PLCH1: variants seen among roughly 807,000 people sequenced by gnomAD.
PLCH1 encodes phospholipase C eta 1.
In PLCH1, 60 loss-of-function variants were observed where a neutral mutation model predicts 126.7. The observed-to-expected ratio is 0.47, with a 90% CI of 0.38 to 0.59. The LOEUF is 0.59. Among genes scored for constraint, PLCH1 ranks in the 20% least tolerant of loss-of-function variants. The pLI, the probability that PLCH1 is intolerant of heterozygous loss-of-function variation, is 0.00. For missense variants in PLCH1, 1,723 were observed against 2,040.0 expected, an observed-to-expected ratio of 0.84 and a Z score of 2.99; for synonymous variants, 719 against 734.9, an observed-to-expected ratio of 0.98 and a Z score of 0.35.
At chr3:155,471,758 T>C in intron 21 of PLCH1, among the ~76,000 whole-genome samples, 1 of 151,874 alleles carries the variant, frequency 6.6e-6, no homozygotes, top group Non-Finnish European at 1.5e-5. Flanking sequence ...AAACTAGAAC[T>C]CAGGATTAAG....
intron 2 of PLCH1, among the ~76,000 whole-genome samples, chr3:155,646,655 G>A (rs924572457): frequency 2.0e-5 from 3 of 152,092 alleles, no homozygotes; most frequent in South Asian, 2.1e-4. Context: ...GACTTAGAGG[G>A]TAAAGTCACC....
downstream of PLCH1, among the ~76,000 whole-genome samples, chr3:155,475,886 T>C (rs1415632078): frequency 6.6e-6 from 1 of 152,058 alleles, no homozygotes; most frequent in Non-Finnish European, 1.5e-5. Context: ...ACCAAACATT[T>C]AAAGAATGAC....
At chr3:155,544,265 C>A (rs571020505) in intron 10 of PLCH1, among the ~76,000 whole-genome samples, 2 of 152,086 alleles carry the variant, frequency 1.3e-5, no homozygotes, top group African/African-American at 4.8e-5. Flanking sequence ...GATTTTAAAC[C>A]AACAAAGATC....
intron 21 of PLCH1, among the ~76,000 whole-genome samples, chr3:155,465,231 C>A (rs1712883137): frequency 6.6e-6 from 1 of 152,044 alleles, no homozygotes; most frequent in Non-Finnish European, 1.5e-5. Context: ...GAGTTAACAT[C>A]CAAATGTAAA....
At position 155,524,139 on chromosome 3, in the gene PLCH1, C is replaced by T. The variant is rs545320034; in HGVS notation, c.1363-135G>A. On this transcript the variant is annotated intron_variant, in intron 10 of 22. Coordinates refer to ENST00000460012, the MANE Select transcript of PLCH1 (RefSeq NM_014996.4). The stretch of plus-strand genomic sequence containing the variant: ...TATGTACATACAATGGAATCTTAGC[C>T]TTTAAGAAGAAGGAAATTCTGATAC... 3.4e-5 allele frequency: 23 copies of T among 675,088 alleles called. No homozygotes were observed. In the African/African-American group the frequency reaches 3.7e-4, roughly 11 times the overall value. 41.8% of individuals were successfully genotyped at this position (675,088 alleles called of 1,614,324 possible).
At chr3:155,576,159 T>C (rs551497358) in intron 6 of PLCH1, among the ~76,000 whole-genome samples, 1 of 151,384 alleles carries the variant, frequency 6.6e-6, no homozygotes, top group African/African-American at 2.4e-5. Flanking sequence ...TGCCAAGAAA[T>C]GGATAGGAAC....
chr3:155,639,595 C>T (rs1739158704), intron 2 of PLCH1, among the ~76,000 whole-genome samples: 2 of 152,262 alleles, frequency 1.3e-5, no homozygotes, highest in Admixed American at 1.3e-4. Flanking sequence ...CTAAGGGGAG[C>T]AACAAAAGGT....
chr3:155,582,075 C>CTTTTTTTTTT (rs869254665), intron 6 of PLCH1, among the ~76,000 whole-genome samples: 42 of 64,124 alleles, frequency 6.5e-4, no homozygotes, highest in East Asian at 1.9e-3. Context: ...TCTTTTCTTT[C>CTTTTTTTTTT]TTTTTTTTTT....
intron 1 of PLCH1, among the ~76,000 whole-genome samples, chr3:155,739,970 C>T (rs535301279): frequency 7.0e-4 from 107 of 152,300 alleles, no homozygotes; most frequent in African/African-American, 2.5e-3. Flanking sequence ...AAACTATCCC[C>T]CCTTATGGTA....
At chr3:155,674,029 T>C (rs528298182) in intron 2 of PLCH1, among the ~76,000 whole-genome samples, 4 of 152,190 alleles carry the variant, frequency 2.6e-5, no homozygotes, top group African/African-American at 7.2e-5. Flanking sequence ...AACAACCTTG[T>C]GAGGTAAGCA....
chr3:155,612,715 A>C (rs925985682), intron 2 of PLCH1, among the ~76,000 whole-genome samples: 1 of 151,986 alleles, frequency 6.6e-6, no homozygotes, highest in African/African-American at 2.4e-5. Flanking sequence ...GTTCGAGATC[A>C]GTGACTAACA....
intron 1 of PLCH1, among the ~76,000 whole-genome samples, chr3:155,737,258 G>A (rs1372662239): frequency 2.0e-5 from 2 of 98,498 alleles, no homozygotes; most frequent in African/African-American, 6.4e-5. Flanking sequence ...AAGAGTATAT[G>A]GTGAATTGTT....
intron 2 of PLCH1, among the ~76,000 whole-genome samples, chr3:155,629,603 C>T (rs1440221842): frequency 6.6e-6 from 1 of 152,206 alleles, no homozygotes; most frequent in Non-Finnish European, 1.5e-5. Flanking sequence ...TCTTGACTCT[C>T]CATTTGCAAT....
chr3:155,703,613 C>A (rs1577344538), intron 2 of PLCH1, among the ~76,000 whole-genome samples: 1 of 152,340 alleles, frequency 6.6e-6, no homozygotes, highest in East Asian at 1.9e-4. Flanking sequence ...GTGCTGCAAA[C>A]TCTTCTGTTC....
chr3:155,462,374 T>A (rs1396351531), intron 21 of PLCH1, among the ~76,000 whole-genome samples: 1 of 152,116 alleles, frequency 6.6e-6, no homozygotes, highest in Admixed American at 6.5e-5. Flanking sequence ...GACTACTGAC[T>A]GAAGATGTGG....
At chr3:155,655,455 G>T (rs2108913757) in intron 2 of PLCH1, among the ~76,000 whole-genome samples, 1 of 151,822 alleles carries the variant, frequency 6.6e-6, no homozygotes, top group Admixed American at 6.6e-5. Context: ...AGAAGAAGAA[G>T]AAGAGAAAAT....
intron 11 of PLCH1, among the ~76,000 whole-genome samples, chr3:155,523,461 C>T (rs573853393): frequency 2.6e-5 from 4 of 152,292 alleles, no homozygotes; most frequent in African/African-American, 9.6e-5. Flanking sequence ...TTAAAGAGGG[C>T]ATGGGCATCC....
intron 8 of PLCH1, among the ~76,000 whole-genome samples, chr3:155,558,161 A>G (rs1006950227): frequency 1.3e-5 from 2 of 152,222 alleles, no homozygotes; most frequent in Admixed American, 6.5e-5. Context: ...GCTTGAAAGT[A>G]GAGAGAACCT....
At chr3:155,677,702 A>C (rs1244492966) in intron 2 of PLCH1, among the ~76,000 whole-genome samples, 1 of 152,234 alleles carries the variant, frequency 6.6e-6, no homozygotes, top group Non-Finnish European at 1.5e-5. Context: ...TTAGAATCAC[A>C]ATTATATATT....
Sources: gnomAD v4.1 joint callset for allele counts (sites outside exome capture counted in the v4.1 genomes callset) on GRCh38, gnomAD v4.1.1 for gene constraint, MANE v1.5 for transcripts, NCBI Gene and HGNC (gene_info 2026-07-23, HGNC 2026-07-21) for gene names.